Variants in RHOA observed in about 807,000 individuals in gnomAD.
The protein encoded by RHOA is transforming protein RhoA.
Under a neutral mutation model 17.5 loss-of-function variants are expected in RHOA, and 3 were observed. The ratio of observed to expected loss-of-function variants is 0.17; its 90% CI spans 0.08 to 0.44. RHOA has a LOEUF of 0.44. RHOA is among the 20% of genes least tolerant of loss of function. The pLI, the probability that RHOA is intolerant of heterozygous loss-of-function variation, is 0.99. For synonymous variants in RHOA, 98 were observed against 88.4 expected (o/e 1.11, Z -0.61); for missense variants, 56 against 242.3 (o/e 0.23, Z 5.10).
chr3:49,396,341 A>T (rs1575673095), intron 1 of RHOA, among the ~76,000 whole-genome samples: 1 of 152,254 alleles, frequency 6.6e-6, no homozygotes, highest in East Asian at 1.9e-4. Flanking sequence ...TGGGAGGCTG[A>T]GGAGGATGGA....
intron 1 of RHOA, among the ~76,000 whole-genome samples, chr3:49,393,876 A>ATTT (rs751455504): frequency 7.3e-6 from 1 of 136,746 alleles, no homozygotes; most frequent in Non-Finnish European, 1.6e-5. Context: ...CGCCTGGCTA[A>ATTT]TTTTTTTTTT....
At chr3:49,385,503 A>G (rs565522801) in intron 1 of RHOA, among the ~76,000 whole-genome samples, 1 of 152,114 alleles carries the variant, frequency 6.6e-6, no homozygotes, top group South Asian at 2.1e-4. Flanking sequence ...GCAATGAGCC[A>G]CCGCACCCAG....
At chr3:49,389,437 GC>G (rs1286110572) in intron 1 of RHOA, among the ~76,000 whole-genome samples, 2 of 152,254 alleles carry the variant, frequency 1.3e-5, no homozygotes, top group African/African-American at 4.8e-5. Flanking sequence ...AGAGGAACCT[GC>G]TGTGCTTCTC....
At chr3:49,366,725 G>A (rs1224436207) in intron 3 of RHOA, 1 of 152,190 alleles carries the variant, frequency 6.6e-6, no homozygotes, top group African/African-American at 2.4e-5. Flanking sequence ...TCAGCTCCTT[G>A]GGCCAGCATG....
intron 1 of RHOA, among the ~76,000 whole-genome samples, chr3:49,379,868 T>A (rs1559504101): frequency 6.6e-6 from 1 of 152,202 alleles, no homozygotes. Context: ...ATATGTGGAT[T>A]ATATTTCAAT....
chr3:49,380,681 AATAAT>A (rs2048301446), intron 1 of RHOA, among the ~76,000 whole-genome samples: 1 of 32,498 alleles, frequency 3.1e-5, no homozygotes, highest in Non-Finnish European at 4.9e-5. Context: ...CAAAAATAAT[AATAAT>A]AATAATAATA....
chr3:49,405,825 C>T (rs1378784285), intron 1 of RHOA, among the ~76,000 whole-genome samples: 2 of 152,156 alleles, frequency 1.3e-5, no homozygotes, highest in Admixed American at 6.6e-5. Context: ...GCTGGGATTA[C>T]AGGCACTCAC....
chr3:49,391,813 ATTAAT>A lies in RHOA; in HGVS notation c.-2-16227_-2-16223del, dbSNP rs2048514932. The stretch of plus-strand genomic sequence containing the variant: ...GGCGTGAGCCACTGTGCCCGGCCTA[ATTAAT>A]TTATCTTTTTTTTTTTTTTTTTTTT... On this transcript the variant is annotated intron_variant, in intron 1 of 4. Coordinates refer to ENST00000418115, the MANE Select transcript of RHOA (RefSeq NM_001664.4). 2.9e-5 allele frequency among the ~76,000 whole-genome samples: 4 copies of A among 138,136 alleles called. No individual in the cohort carries two copies. The South Asian group carries it at 6.9e-4, about 24-fold the overall frequency. The allele number at this position is 138,136 out of a possible 152,430, so 90.6% of individuals were successfully genotyped here.
At chr3:49,389,698 T>G (rs1036443911) in intron 1 of RHOA, among the ~76,000 whole-genome samples, 1 of 152,086 alleles carries the variant, frequency 6.6e-6, no homozygotes, top group Admixed American at 6.6e-5. Context: ...TCCCAGCACT[T>G]TGGGAGGCCG....
intron 1 of RHOA, among the ~76,000 whole-genome samples, chr3:49,383,603 A>T (rs1477052333): frequency 6.6e-5 from 10 of 151,804 alleles, no homozygotes; most frequent in Admixed American, 6.6e-4. Flanking sequence ...TTCAGCCTGC[A>T]CTCCATTCCT....
chr3:49,394,682 G>A (rs1029040327), intron 1 of RHOA, among the ~76,000 whole-genome samples: 2 of 152,074 alleles, frequency 1.3e-5, no homozygotes, highest in Admixed American at 1.3e-4. Context: ...GCCATTCCTT[G>A]TTCTAGCTAC....
At chr3:49,365,698 C>T (rs1374250676) in intron 3 of RHOA, among the ~76,000 whole-genome samples, 1 of 149,770 alleles carries the variant, frequency 6.7e-6, no homozygotes, top group Non-Finnish European at 1.5e-5. Context: ...TCAAGCAATT[C>T]TCCTGCCTCA....
intron 1 of RHOA, among the ~76,000 whole-genome samples, chr3:49,408,941 C>G (rs1385292615): frequency 1.3e-5 from 2 of 151,998 alleles, no homozygotes; most frequent in Admixed American, 6.6e-5. Context: ...TACAGGCGCC[C>G]GCCACCACAC....
intron 1 of RHOA, among the ~76,000 whole-genome samples, chr3:49,385,217 C>A (rs914785378): frequency 2.0e-5 from 3 of 150,556 alleles, no homozygotes; most frequent in African/African-American, 7.3e-5. Context: ...CATTGCCCCC[C>A]TACCTTTTTT....
At chr3:49,377,884 C>G (rs1005609665) in intron 1 of RHOA, among the ~76,000 whole-genome samples, 1 of 151,804 alleles carries the variant, frequency 6.6e-6, no homozygotes, top group Non-Finnish European at 1.5e-5. Context: ...CACGGTAGCT[C>G]ACACCTGTAA....
chr3:49,383,933 G>A (rs2048357193), intron 1 of RHOA, among the ~76,000 whole-genome samples: 1 of 152,166 alleles, frequency 6.6e-6, no homozygotes, highest in Non-Finnish European at 1.5e-5. Flanking sequence ...GGAAGGCTGA[G>A]GCACGAGAAT....
At chr3:49,404,456 A>ACACACACACACACACACACACT (rs2048781322) in intron 1 of RHOA, among the ~76,000 whole-genome samples, 1 of 148,930 alleles carries the variant, frequency 6.7e-6, no homozygotes, top group African/African-American at 2.5e-5. Context: ...ACACACACAC[A>ACACACACACACACACACACACT]CAAAATTAGC....
intron 2 of RHOA, among the ~76,000 whole-genome samples, chr3:49,372,708 T>C (rs1452930457): frequency 1.7e-5 from 2 of 118,942 alleles, no homozygotes; most frequent in Admixed American, 2.5e-4. Flanking sequence ...CACTCCAGCC[T>C]GGGCGACAGA....
At chr3:49,371,386 T>G (rs2048145566) in intron 2 of RHOA, among the ~76,000 whole-genome samples, 1 of 151,794 alleles carries the variant, frequency 6.6e-6, no homozygotes, top group East Asian at 1.9e-4. Context: ...TTCAAGTGAT[T>G]CTCCTGCCTC....
Sources: allele counts gnomAD v4.1 joint callset (sites outside exome capture counted in the v4.1 genomes callset), GRCh38; gene constraint gnomAD v4.1.1; transcripts MANE v1.5; gene names NCBI Gene and HGNC (gene_info 2026-07-23, HGNC 2026-07-21).